Variants in MAST4 observed in about 807,000 individuals in gnomAD.
MAST4 encodes the protein microtubule associated serine/threonine kinase family member 4.
A neutral mutation model predicts 162.7 loss-of-function variants in MAST4; 89 were observed. The ratio of observed to expected loss-of-function variants is 0.55; its 90% CI spans 0.46 to 0.65. The LOEUF (loss-of-function observed/expected upper bound fraction) is 0.65. Ranked by LOEUF, MAST4 falls within the 30% of genes least tolerant of loss-of-function variation. The pLI, the probability that MAST4 is intolerant of heterozygous loss-of-function variation, is 0.00. For synonymous variants in MAST4, 1,479 were observed against 1,361.1 expected (o/e 1.09, Z -1.91); for missense variants, 3,153 against 3,374.0 (o/e 0.93, Z 1.62).
intron 1 of MAST4, among the ~76,000 whole-genome samples, chr5:66,681,393 C>T (rs929672321): frequency 6.6e-6 from 1 of 152,220 alleles, no homozygotes; most frequent in African/African-American, 2.4e-5. Context: ...GAGTTTGGGC[C>T]AGTGTCGTCC....
chr5:66,803,267 A>G (rs895497432), intron 3 of MAST4, among the ~76,000 whole-genome samples: 17 of 152,160 alleles, frequency 1.1e-4, no homozygotes, highest in South Asian at 2.1e-4. Context: ...CCCTGTGCCA[A>G]TGTCACACTT....
intron 3 of MAST4, among the ~76,000 whole-genome samples, chr5:66,820,528 C>A (rs1488786232): frequency 1.3e-5 from 2 of 152,120 alleles, no homozygotes; most frequent in Non-Finnish European, 2.9e-5. Context: ...CATGAAGGGA[C>A]ATAATTGAAA....
intron 4 of MAST4, among the ~76,000 whole-genome samples, chr5:67,006,330 G>C (rs115554006): frequency 6.6e-6 from 1 of 152,054 alleles, no homozygotes; most frequent in African/African-American, 2.4e-5. Context: ...TGTTTTTCTC[G>C]TTCTGCCATA....
chr5:66,696,381 T>C (rs918730882), intron 1 of MAST4, among the ~76,000 whole-genome samples: 4 of 152,156 alleles, frequency 2.6e-5, no homozygotes, highest in African/African-American at 4.8e-5. Flanking sequence ...TCTGTACTCA[T>C]TGAAGCACTT....
At chr5:67,118,423 T>C (rs757345809) in intron 12 of MAST4, among the ~76,000 whole-genome samples, 1 of 152,196 alleles carries the variant, frequency 6.6e-6, no homozygotes, top group African/African-American at 2.4e-5. Flanking sequence ...CATCAGCCAA[T>C]GAGTTCCTAT....
intron 4 of MAST4, among the ~76,000 whole-genome samples, chr5:66,919,951 TCCTTCCTTCCTTCCTTCCTTCCTTCTTTC>T (rs1764407430): frequency 1.4e-4 from 18 of 125,016 alleles, no homozygotes; most frequent in South Asian, 3.1e-4. Context: ...CTTCCTTCCT[TCCTTCCTTCCTTCCTTCCTTCCTTCTTTC>T]TCTCTCTCTC....
chr5:66,865,803 G>GGT (rs1561395322), intron 3 of MAST4, among the ~76,000 whole-genome samples: 1 of 152,126 alleles, frequency 6.6e-6, no homozygotes, highest in African/African-American at 2.4e-5. Context: ...GGCCAGGTGC[G>GGT]GTGGCTCACG....
chr5:67,041,745 C>T (rs1047955687), intron 4 of MAST4, among the ~76,000 whole-genome samples: 37 of 152,174 alleles, frequency 2.4e-4, no homozygotes, highest in Admixed American at 2.4e-3. Context: ...CCTTCTGCCT[C>T]AGCCTCCTGA....
intron 4 of MAST4, among the ~76,000 whole-genome samples, chr5:67,033,313 C>CTGTGTGTGTGTG (rs1360368682): frequency 4.3e-5 from 3 of 70,240 alleles, no homozygotes; most frequent in Non-Finnish European, 7.6e-5. Context: ...GTTTTCATTT[C>CTGTGTGTGTGTG]TCTGTGTGTG....
At chr5:66,622,164 G>A (rs1029404661) in intron 1 of MAST4, among the ~76,000 whole-genome samples, 2 of 152,184 alleles carry the variant, frequency 1.3e-5, no homozygotes, top group Non-Finnish European at 2.9e-5. Context: ...CAGCATGGTC[G>A]AGGAAGATGT....
chr5:66,601,714 A>T (rs79859786), intron 1 of MAST4, among the ~76,000 whole-genome samples: 3,543 of 152,254 alleles, frequency 0.023, 130 homozygotes, highest in African/African-American at 0.079. Context: ...ATGACATCTC[A>T]TGACATTTGA....
chr5:66,656,106 A>G (rs1270415987), intron 1 of MAST4, among the ~76,000 whole-genome samples: 1 of 152,216 alleles, frequency 6.6e-6, no homozygotes, highest in Non-Finnish European at 1.5e-5. Flanking sequence ...GATTTGAGAA[A>G]GGCAGGCTTG....
chr5:66,744,823 A>G (rs1478525889), intron 1 of MAST4, among the ~76,000 whole-genome samples: 1 of 152,218 alleles, frequency 6.6e-6, no homozygotes, highest in East Asian at 1.9e-4. Flanking sequence ...ACACTTCAAC[A>G]TGAGATTTGA....
intron 5 of MAST4, among the ~76,000 whole-genome samples, chr5:67,085,300 A>C (rs1292612278): frequency 6.6e-6 from 1 of 152,172 alleles, no homozygotes; most frequent in Non-Finnish European, 1.5e-5. Flanking sequence ...CACCCTATCT[A>C]AATCACCATC....
chr5:66,858,695 A>C (rs1013116325), intron 3 of MAST4, among the ~76,000 whole-genome samples: 3 of 152,166 alleles, frequency 2.0e-5, no homozygotes, highest in African/African-American at 7.2e-5. Context: ...AAAATTGTTT[A>C]ATTTCACCAA....
chr5:66,703,457 G>A (rs1342364275), intron 1 of MAST4, among the ~76,000 whole-genome samples: 1 of 151,986 alleles, frequency 6.6e-6, no homozygotes, highest in Non-Finnish European at 1.5e-5. Flanking sequence ...GAGCATGGGG[G>A]TGTAGGGATA....
At chr5:66,943,490 T>C (rs920364705) in intron 4 of MAST4, among the ~76,000 whole-genome samples, 1 of 152,092 alleles carries the variant, frequency 6.6e-6, no homozygotes, top group African/African-American at 2.4e-5. Context: ...GGAGCCTAAA[T>C]AGATCTTTTC....
At chr5:67,007,267 A>G (rs958182363) in intron 4 of MAST4, among the ~76,000 whole-genome samples, 1 of 152,078 alleles carries the variant, frequency 6.6e-6, no homozygotes, top group African/African-American at 2.4e-5. Context: ...TCCTTTTCCA[A>G]GTCTAATGCT....
At chr5:66,825,749 C>T (rs1168128257) in intron 3 of MAST4, among the ~76,000 whole-genome samples, 1 of 151,946 alleles carries the variant, frequency 6.6e-6, no homozygotes, top group Non-Finnish European at 1.5e-5. Flanking sequence ...TGTGGCGTAT[C>T]CATACAGGTA....
Sources: allele counts gnomAD v4.1 joint callset (sites outside exome capture counted in the v4.1 genomes callset), GRCh38; gene constraint gnomAD v4.1.1; transcripts MANE v1.5; gene names NCBI Gene and HGNC (gene_info 2026-07-23, HGNC 2026-07-21).